Variants in SLC5A1 observed in about 807,000 individuals in gnomAD.
SLC5A1 encodes sodium/glucose cotransporter 1.
SLC5A1 carries 42 observed loss-of-function variants against 73.5 expected under a neutral mutation model. The ratio of observed to expected loss-of-function variants is 0.57; its 90% CI spans 0.45 to 0.74. The LOEUF is 0.74. Ranked by LOEUF, SLC5A1 falls within the 30% of genes least tolerant of loss-of-function variation. SLC5A1 has a pLI of 0.00. For missense variants in SLC5A1, 634 were observed against 855.4 expected (o/e 0.74, Z 3.23); for synonymous variants, 300 against 317.4 (o/e 0.95, Z 0.58).
intron 14 of SLC5A1, among the ~76,000 whole-genome samples, chr22:32,108,568 C>A (rs2094050496): frequency 6.6e-6 from 1 of 152,090 alleles, no homozygotes; most frequent in Non-Finnish European, 1.5e-5. Context: ...GAGACCTACA[C>A]TTTTTGACAT....
At chr22:32,072,023 T>C (rs965642992) in intron 5 of SLC5A1, among the ~76,000 whole-genome samples, 1 of 152,188 alleles carries the variant, frequency 6.6e-6, no homozygotes, top group Non-Finnish European at 1.5e-5. Flanking sequence ...GGTTCATCTA[T>C]CCTCTTCCAA....
chr22:32,071,706 C>T (rs1187679243), intron 5 of SLC5A1, among the ~76,000 whole-genome samples: 1 of 151,924 alleles, frequency 6.6e-6, no homozygotes, highest in Non-Finnish European at 1.5e-5. Context: ...CTATCCAGCA[C>T]CAAAGGCGAG....
intron 1 of SLC5A1, among the ~76,000 whole-genome samples, chr22:32,044,584 G>A (rs1159395366): frequency 6.6e-6 from 1 of 151,938 alleles, no homozygotes; most frequent in African/African-American, 2.4e-5. Context: ...GTGTCACATG[G>A]GGTCAGTATG....
At chr22:32,088,398 G>A (rs954045054) in intron 10 of SLC5A1, among the ~76,000 whole-genome samples, 28 of 149,278 alleles carry the variant, frequency 1.9e-4, no homozygotes, top group African/African-American at 5.7e-4. Context: ...GTGCAATGGC[G>A]TGATCTCAGC....
chr22:32,097,561 G>C (rs1183558041), intron 11 of SLC5A1, among the ~76,000 whole-genome samples: 6 of 152,140 alleles, frequency 3.9e-5, no homozygotes, highest in Admixed American at 3.9e-4. Context: ...AGAAATACCT[G>C]GTAGTGTTTC....
rs1350904655 is a variant in SLC5A1 at position 32,099,366 on chromosome 22, G to T, written c.1449+15G>T. ...TCAATGAGCCAGTAGGTATCATCTG[G>T]GCATGTCCAGAAAAGTCATTCTGGC... is the stretch of plus-strand genomic sequence containing the variant. On this transcript the variant is annotated intron_variant, in intron 12 of 14. Transcript: ENST00000266088. The T allele has an allele frequency of 6.2e-7, 1 of 1,608,718 alleles. No homozygotes were observed. Among genetic ancestry groups the T allele is most frequent in the South Asian group, 1.1e-5 (1 of 90,964 alleles).
intron 10 of SLC5A1, among the ~76,000 whole-genome samples, chr22:32,090,441 T>C (rs987631822): frequency 6.6e-6 from 1 of 152,202 alleles, no homozygotes; most frequent in Admixed American, 6.5e-5. Context: ...CTTAACATAA[T>C]GTTTGCAAGG....
chr22:32,107,049 A>G (rs1284565628), intron 14 of SLC5A1, among the ~76,000 whole-genome samples: 2 of 152,196 alleles, frequency 1.3e-5, no homozygotes, highest in Admixed American at 6.5e-5. Context: ...CAGCTTTGTT[A>G]CAATCTGCTC....
chr22:32,047,364 C>T (rs1230815330), intron 1 of SLC5A1, among the ~76,000 whole-genome samples: 7 of 151,338 alleles, frequency 4.6e-5, no homozygotes, highest in Admixed American at 4.6e-4. Context: ...CTAAGCTCTT[C>T]ATTTCTGAGA....
chr22:32,080,590 C>T (rs1396411241), intron 5 of SLC5A1, among the ~76,000 whole-genome samples: 4 of 152,110 alleles, frequency 2.6e-5, no homozygotes, highest in Non-Finnish European at 5.9e-5. Context: ...CCCAAGGCTC[C>T]GTCTGGGTGC....
Position 32,084,711 on chromosome 22 carries a change from G to A in SLC5A1, c.885+52G>A, listed in dbSNP as rs768322006. 3.2e-6 allele frequency: 5 copies of A among 1,560,102 alleles called. No individual in the cohort carries two copies. The South Asian group carries it at 3.3e-5, about 10-fold the overall frequency. ...ACAGAGTCTTCTCCAGGGCCCTACA[G>A]GAACTCCTGTCTGTCTGTGGTTTGC... is the stretch of plus-strand genomic sequence containing the variant. On this transcript the variant is annotated intron_variant, in intron 8 of 14. Transcript: ENST00000266088.
chr22:32,103,046 T>A (rs1299588108), intron 13 of SLC5A1, among the ~76,000 whole-genome samples: 1 of 152,242 alleles, frequency 6.6e-6, no homozygotes, highest in Non-Finnish European at 1.5e-5. Context: ...AATACAGGTA[T>A]CTCTTTGATA....
chr22:32,104,950 C>A, intron 14 of SLC5A1, 59 bp downstream of exon 14: 1 of 1,195,394 alleles, frequency 8.4e-7, no homozygotes, highest in Non-Finnish European at 1.2e-6. Flanking sequence ...AACAACAAGA[C>A]TTTACTGAAG....
At chr22:32,066,397 T>G (rs2093973319) in intron 2 of SLC5A1, among the ~76,000 whole-genome samples, 1 of 152,256 alleles carries the variant, frequency 6.6e-6, no homozygotes, top group South Asian at 2.1e-4. Context: ...ATTTAATAGC[T>G]AGGAATCACT....
At chr22:32,061,344 C>T (rs913251566) in intron 2 of SLC5A1, among the ~76,000 whole-genome samples, 10 of 151,514 alleles carry the variant, frequency 6.6e-5, no homozygotes, top group East Asian at 3.9e-4. Context: ...CAGCCTGGGA[C>T]GGGGAGGTTG....
At chr22:32,089,452 C>A (rs1321599475) in intron 10 of SLC5A1, among the ~76,000 whole-genome samples, 1 of 152,190 alleles carries the variant, frequency 6.6e-6, no homozygotes, top group Non-Finnish European at 1.5e-5. Context: ...TGACTCAGAT[C>A]TAACCAGCTG....
intron 5 of SLC5A1, among the ~76,000 whole-genome samples, chr22:32,074,492 G>A (rs1343306726): frequency 6.6e-6 from 1 of 152,086 alleles, no homozygotes; most frequent in African/African-American, 2.4e-5. Context: ...TCACCCTCCT[G>A]CTCACGTTCC....
At chr22:32,074,614 T>C (rs2093987908) in intron 5 of SLC5A1, among the ~76,000 whole-genome samples, 1 of 152,100 alleles carries the variant, frequency 6.6e-6, no homozygotes, top group African/African-American at 2.4e-5. Context: ...TCTAACCAAA[T>C]AAGACTGAAA....
chr22:32,048,940 C>T lies in SLC5A1; in HGVS notation c.136-1003C>T, dbSNP rs577427091. Among the ~76,000 whole-genome samples, 9 of 151,972 alleles carry T rather than the reference C, an allele frequency of 5.9e-5. No individual in the cohort carries two copies. In the East Asian group the frequency reaches 1.7e-3, roughly 29 times the overall value. ...CAAAAATTAGCTGGGCGTAGTAGCACATGCCTGTAGTCCCAGCTACTCAGG... is the reference window on the plus strand; with the variant it reads ...CAAAAATTAGCTGGGCGTAGTAGCATATGCCTGTAGTCCCAGCTACTCAGG... On this transcript the variant is annotated intron_variant, in intron 1 of 14. Coordinates refer to ENST00000266088, the MANE Select transcript of SLC5A1 (RefSeq NM_000343.4).
Sources: gnomAD v4.1 joint callset for allele counts (sites outside exome capture counted in the v4.1 genomes callset) on GRCh38, gnomAD v4.1.1 for gene constraint, MANE v1.5 for transcripts, NCBI Gene and HGNC (gene_info 2026-07-23, HGNC 2026-07-21) for gene names.